The following IFI27 variants were observed in gnomAD, a reference collection of about 807,000 sequenced individuals.
The protein encoded by IFI27 is interferon alpha-inducible protein 27, mitochondrial.
In IFI27, 3 loss-of-function variants were observed where a neutral mutation model predicts 8.9. The ratio of observed to expected loss-of-function variants is 0.34; its 90% CI spans 0.15 to 0.87. The LOEUF is 0.87. IFI27 is among the 40% of genes least tolerant of loss of function. The pLI is 0.51. For missense variants in IFI27, 152 were observed against 157.7 expected, an observed-to-expected ratio of 0.96 and a Z score of 0.19; for synonymous variants, 66 against 67.3, an observed-to-expected ratio of 0.98 and a Z score of 0.09.
intron 2 of IFI27, 146 bp from the exon 3 acceptor site, chr14:94,114,705 A>G: frequency 2.7e-6 from 2 of 733,336 alleles, no homozygotes; most frequent in Non-Finnish European, 4.7e-6. Context: ...CCCGAAATGA[A>G]GCAAAGAGCG....
At chr14:94,113,654 A>G (rs1411811526) in intron 2 of IFI27, 1 of 152,198 alleles carries the variant, frequency 6.6e-6, no homozygotes, top group Non-Finnish European at 1.5e-5. Context: ...CTCCAGACAC[A>G]CCGCAGCCAG....
chr14:94,114,983 G>A, intron 3 of IFI27, 103 bp downstream of exon 3: 2 of 1,066,822 alleles, frequency 1.9e-6, no homozygotes, highest in Non-Finnish European at 2.9e-6. Flanking sequence ...CACATGGGTG[G>A]TCAGGGGAGG....
Position 94,116,315 on chromosome 14 carries a change from G to T in IFI27, c.284-127G>T. Reference sequence around the variant, plus strand: ...CGAGGGTACTGGGAAACAGAGAGGGGAACTGGGTGGGGTCTGTAAGCCTCA... The same window carrying T: ...CGAGGGTACTGGGAAACAGAGAGGGTAACTGGGTGGGGTCTGTAAGCCTCA... On this transcript the variant is annotated intron_variant, in intron 4 of 4. Transcript: ENST00000621160. This position sits in a 1 kb window ranked among gnomAD's most constrained non-coding sequence, Gnocchi z 4.3. 1 of 695,400 alleles carries T rather than the reference G, an allele frequency of 1.4e-6. No homozygotes were observed. 43.1% of individuals were successfully genotyped at this position (695,400 alleles called of 1,614,324 possible).
At chr14:94,109,373 CAGGG>C (rs1241319917), upstream of IFI27, among the ~76,000 whole-genome samples, 52 of 140,882 alleles carry the variant, frequency 3.7e-4, no homozygotes, top group East Asian at 7.8e-3. Flanking sequence ...CAGAGAAGGG[CAGGG>C]AAGGGCAAGG....
At chr14:94,109,632 C>T (rs1887093783), upstream of IFI27, among the ~76,000 whole-genome samples, 1 of 152,170 alleles carries the variant, frequency 6.6e-6, no homozygotes, top group South Asian at 2.1e-4. Flanking sequence ...TTCTAGCTGT[C>T]CTTGTGTGGC....
chr14:94,116,419 G>A lies in IFI27; in HGVS notation c.284-23G>A, dbSNP rs1276388427. ...TTCCCCGACAGGCATGTCCCACTCT[G>A]TCCACCCTCTGCTTCTTCCCAGGAG... On this transcript the variant is annotated intron_variant, in intron 4 of 4. Coordinates refer to ENST00000621160, the Ensembl canonical transcript of IFI27. The surrounding 1 kb of genome is among the most constrained non-coding windows in gnomAD (Gnocchi z 4.3). The A allele has an allele frequency of 1.9e-6, 3 of 1,574,754 alleles. No homozygotes were observed. The highest frequency in any genetic ancestry group is 2.6e-6 in the Non-Finnish European group (3 of 1,148,722).
Position 94,116,474 on chromosome 14 carries a change from A to C in IFI27, c.316A>C (p.Ile106Leu). 6.2e-7 allele frequency: 1 copy of C among 1,613,520 alleles called. No individual in the cohort carries two copies. The highest frequency in any genetic ancestry group is 8.5e-7 in the Non-Finnish European group (1 of 1,179,824). ...TGGACTCTCCGGATTGACCAAGTTCATCCTGGGCTCCATTGGGTCTGCCAT... is the reference window on the plus strand; with the variant it reads ...TGGACTCTCCGGATTGACCAAGTTCCTCCTGGGCTCCATTGGGTCTGCCAT... The change falls in exon 5 of 5, where the codon ATC becomes CTC. Residue 106 changes from isoleucine (I) to leucine (L), a missense_variant. By Grantham distance (5) the Ile-to-Leu change is conservative. Coordinates refer to ENST00000621160, the Ensembl canonical transcript of IFI27. The surrounding 1 kb of genome is among the most constrained non-coding windows in gnomAD (Gnocchi z 4.3).
Position 94,116,623 on chromosome 14 carries a change from C to T in IFI27, c.*96C>T. On this transcript the variant is annotated 3_prime_UTR_variant, in exon 5 of 5. Transcript: ENST00000621160. The surrounding 1 kb of genome is among the most constrained non-coding windows in gnomAD (Gnocchi z 4.3). ...CGAGGAGCCAACTATCCCAAATATA[C>T]CTGGGGTGAAATATACCAAATTCTG... The T allele has an allele frequency of 1.2e-6, 1 of 853,428 alleles. No homozygotes were observed. Among genetic ancestry groups the T allele is most frequent in the Non-Finnish European group, 1.9e-6 (1 of 513,838 alleles). The allele number at this position is 853,428 out of a possible 1,614,324, so 52.9% of individuals were successfully genotyped here.
chr14:94,106,150 T>TG (rs763874459), upstream of IFI27, among the ~76,000 whole-genome samples: 29 of 152,308 alleles, frequency 1.9e-4, no homozygotes, highest in Middle Eastern at 6.8e-3. Flanking sequence ...GGCAGCTCTC[T>TG]GGGGGGCCTC....
At chr14:94,114,698 G>A (rs1367873518) in intron 2 of IFI27, 153 bp from the exon 3 acceptor site, 13 of 710,568 alleles carry the variant, frequency 1.8e-5, no homozygotes, top group African/African-American at 5.3e-5. Flanking sequence ...TCCACTTCCC[G>A]AAATGAAGCA....
chr14:94,108,338 G>A (rs1258814196), upstream of IFI27, among the ~76,000 whole-genome samples: 2 of 152,164 alleles, frequency 1.3e-5, no homozygotes, highest in Non-Finnish European at 1.5e-5. Context: ...TCTAACAGGC[G>A]TGAGATGGTA....
chr14:94,113,502 CA>C (rs561160214), intron 2 of IFI27: 2,138 of 150,012 alleles, frequency 0.014, 46 homozygotes, highest in African/African-American at 0.049. Flanking sequence ...GATTCTGTCT[CA>C]AAAAAAAAGA....
rs1887427327 is a variant in IFI27, at chr14:94,116,601, G to A, written c.*74G>A. On this transcript the variant is annotated 3_prime_UTR_variant, in exon 5 of 5. Coordinates refer to ENST00000621160, the Ensembl canonical transcript of IFI27. This position sits in a 1 kb window ranked among gnomAD's most constrained non-coding sequence, Gnocchi z 4.3. ...GCACCCAGCCATCCTGACCCAGCGA[G>A]GAGCCAACTATCCCAAATATACCTG... The A allele has an allele frequency of 9.0e-7, 1 of 1,117,000 alleles. No homozygotes were observed. Among genetic ancestry groups the A allele is most frequent in the South Asian group, 1.3e-5 (1 of 76,298 alleles). 69.2% of individuals were successfully genotyped at this position (1,117,000 alleles called of 1,614,324 possible). A position where few individuals can be genotyped will look rare whatever the true frequency, so the allele number is the denominator to read the frequency against.
intron 2 of IFI27, among the ~76,000 whole-genome samples, chr14:94,112,423 C>T (rs972622970): frequency 6.6e-6 from 1 of 152,184 alleles, no homozygotes; most frequent in African/African-American, 2.4e-5. Context: ...CTTTTTTCCA[C>T]ACTGAGAACC....
At chr14:94,109,089 T>A (rs1406424095), upstream of IFI27, among the ~76,000 whole-genome samples, 5 of 150,412 alleles carry the variant, frequency 3.3e-5, no homozygotes, top group Admixed American at 1.3e-4. Context: ...ACATCAGGAG[T>A]TTGAGACCAG....
chr14:94,115,349 G>A (rs143475270), intron 3 of IFI27: 75 of 519,368 alleles, frequency 1.4e-4, no homozygotes, highest in African/African-American at 1.2e-3. Flanking sequence ...GCAACACCAC[G>A]GAGCCCTAGA....
chr14:94,108,929 A>G (rs1046630347), upstream of IFI27, among the ~76,000 whole-genome samples: 6 of 152,182 alleles, frequency 3.9e-5, no homozygotes, highest in African/African-American at 1.2e-4. Context: ...GCTGTTATGC[A>G]AGTTGTTCTG....
chr14:94,111,515 G>C lies in IFI27; in HGVS notation c.-58-110G>C. 1.6e-6 allele frequency: 1 copy of C among 626,016 alleles called. No individual in the cohort carries two copies. Among genetic ancestry groups the C allele is most frequent in the South Asian group, 1.9e-5 (1 of 53,110 alleles). The allele number at this position is 626,016 out of a possible 1,614,324, so 38.8% of individuals were successfully genotyped here. On this transcript the variant is annotated intron_variant, in intron 1 of 4. Transcript: ENST00000621160. The surrounding 1 kb of genome is among the most constrained non-coding windows in gnomAD (Gnocchi z 4.3). The stretch of plus-strand genomic sequence containing the variant: ...CCTTTCAAGGCCTGCTGCTCCACAA[G>C]CTCAGAGCAGCCTCCCTAGCCCCCT...
At chr14:94,108,477 G>A (rs570162682), upstream of IFI27, among the ~76,000 whole-genome samples, 3 of 152,284 alleles carry the variant, frequency 2.0e-5, no homozygotes, top group South Asian at 6.2e-4. Flanking sequence ...CAGCATTAGG[G>A]TGACCCCAAC....
Sources: gnomAD v4.1 joint callset for allele counts (sites outside exome capture counted in the v4.1 genomes callset) on GRCh38, gnomAD v4.1.1 for gene constraint, Gnocchi (gnomAD v3.1) non-coding constraint, MANE v1.5 for transcripts, NCBI Gene and HGNC (gene_info 2026-07-23, HGNC 2026-07-21) for gene names.